The following AGBL2 variants were observed in gnomAD, a reference collection of about 807,000 sequenced individuals.
The protein encoded by AGBL2 is AGBL carboxypeptidase 2.
A neutral mutation model predicts 103.0 loss-of-function variants in AGBL2; 87 were observed. That is an observed-to-expected ratio of 0.84 (90% CI 0.71 to 1.01). The LOEUF is 1.01. Among genes scored for constraint, AGBL2 ranks in the 50% least tolerant of loss-of-function variants. The pLI is 0.00. For synonymous variants in AGBL2, 335 were observed against 356.7 expected, an observed-to-expected ratio of 0.94 and a Z score of 0.69; for missense variants, 904 against 1,023.5, an observed-to-expected ratio of 0.88 and a Z score of 1.59.
chr11:47,661,987 T>C lies in AGBL2; in HGVS notation c.2535+1039A>G, dbSNP rs192995126. Among the ~76,000 whole-genome samples, 363 of 151,628 alleles carry C rather than the reference T, an allele frequency of 2.4e-3. 2 individuals carry two copies. The highest frequency in any genetic ancestry group is 8.1e-3 in the African/African-American group (335 of 41,356). ...TGGTCTCGAACTCCTGACCTCAGGT[T>C]ATCCGCCCACCTCGGCCTCCCAAAG... On this transcript the variant is annotated intron_variant, in intron 18 of 18. Transcript: ENST00000525123.
At chr11:47,665,928 G>A (rs2097340115) in intron 17 of AGBL2, among the ~76,000 whole-genome samples, 2 of 152,146 alleles carry the variant, frequency 1.3e-5, no homozygotes, top group Non-Finnish European at 2.9e-5. Context: ...AGAATCACTT[G>A]AACCCGGGAA....
chr11:47,697,082 C>G (rs981415339), intron 8 of AGBL2, among the ~76,000 whole-genome samples: 2 of 151,608 alleles, frequency 1.3e-5, no homozygotes, highest in African/African-American at 4.9e-5. Context: ...GGGCATGCCA[C>G]CACACCCAAC....
intron 10 of AGBL2, among the ~76,000 whole-genome samples, chr11:47,688,149 G>A (rs1410311288): frequency 2.6e-5 from 4 of 151,830 alleles, no homozygotes; most frequent in African/African-American, 7.3e-5. Flanking sequence ...CTAATACACG[G>A]GGTCTCACTG....
At chr11:47,690,917 T>A in intron 9 of AGBL2, 59 bp from the exon 10 acceptor site, 1 of 1,388,012 alleles carries the variant, frequency 7.2e-7, no homozygotes, top group South Asian at 1.3e-5. Context: ...AAAAACAAAT[T>A]GGGAAAATGT....
chr11:47,682,237 G>C, intron 11 of AGBL2, 142 bp from the exon 12 acceptor site: 1 of 877,082 alleles, frequency 1.1e-6, no homozygotes, highest in African/African-American at 1.7e-5. Context: ...CTAATTTGGA[G>C]GGATGTTAAC....
At chr11:47,694,022 T>C (rs2904129) in intron 8 of AGBL2, among the ~76,000 whole-genome samples, 14,298 of 152,014 alleles carry the variant, frequency 0.094, 1,038 homozygotes, top group African/African-American at 0.2. Flanking sequence ...AAATGTCGTG[T>C]GATATACTCT....
At chr11:47,680,377 C>T (rs1360200990) in intron 12 of AGBL2, among the ~76,000 whole-genome samples, 2 of 151,972 alleles carry the variant, frequency 1.3e-5, no homozygotes, top group Non-Finnish European at 2.9e-5. Flanking sequence ...AGGAGAATGG[C>T]GTGAATCCGG....
At chr11:47,703,256 C>T (rs887516307) in intron 7 of AGBL2, among the ~76,000 whole-genome samples, 1 of 151,990 alleles carries the variant, frequency 6.6e-6, no homozygotes, top group African/African-American at 2.4e-5. Context: ...GGTAGCACCC[C>T]TGTATTTTTA....
Position 47,679,964 on chromosome 11 carries a change from C to T in AGBL2, c.2016+9G>A, listed in dbSNP as rs1565030143. On this transcript the variant is annotated intron_variant, in intron 13 of 18. Coordinates refer to ENST00000525123, the MANE Select transcript of AGBL2 (RefSeq NM_024783.4). ...GCCTTCATCACATTTCTTGAAACCC[C>T]ATTTTTACCTTCATTTGGTCAGGAT... The T allele has an allele frequency of 6.4e-7, 1 of 1,568,746 alleles. No homozygotes were observed.
chr11:47,681,818 A>G, intron 12 of AGBL2, 151 bp downstream of exon 12: 2 of 940,244 alleles, frequency 2.1e-6, no homozygotes, highest in Admixed American at 2.9e-5. Context: ...TTTCACATTC[A>G]TATGTTGGGC....
chr11:47,688,334 C>T (rs1371442602), intron 10 of AGBL2, among the ~76,000 whole-genome samples: 1 of 151,990 alleles, frequency 6.6e-6, no homozygotes, highest in Non-Finnish European at 1.5e-5. Context: ...GCAAAAAAGC[C>T]TATTGAGAAA....
In AGBL2 at chr11:47,685,912, C is replaced by G; in HGVS notation, c.1769G>C (p.Cys590Ser). ...GCTTACCTTATCTGGTGCATTTTTG[C>G]ATAACATTAAAGGAAAGACTCGTTC... ...LHERVFPLML[C>S]KNAPDKFSFH... The change falls in exon 11 of 19, where the codon TGC becomes TCC. Residue 590 changes from cysteine to serine, a missense_variant. Physicochemically the swap from Cys to Ser is moderately radical, Grantham distance 112 (BLOSUM62 -1). Transcript: ENST00000525123. The G allele has an allele frequency of 1.2e-6, 2 of 1,613,496 alleles. No individual in the cohort carries two copies. The highest frequency in any genetic ancestry group is 2.2e-5 in the East Asian group (1 of 44,858).
At chr11:47,704,877 AT>A (rs1212467799) in intron 6 of AGBL2, 149 bp from the exon 7 acceptor site, 1 of 644,778 alleles carries the variant, frequency 1.6e-6, no homozygotes, top group Non-Finnish European at 2.5e-6. Flanking sequence ...CTTCAAGAAG[AT>A]TTAGTCCAGA....
chr11:47,713,293 G>A (rs2097540788), intron 3 of AGBL2, among the ~76,000 whole-genome samples: 1 of 149,998 alleles, frequency 6.7e-6, no homozygotes, highest in Non-Finnish European at 1.5e-5. Context: ...GCAGTGAGCC[G>A]AGATTGCGCC....
intron 4 of AGBL2, among the ~76,000 whole-genome samples, chr11:47,709,133 A>G (rs553803315): frequency 1.3e-5 from 2 of 152,382 alleles, no homozygotes; most frequent in East Asian, 3.9e-4. Flanking sequence ...AAAACAAAAC[A>G]AAACAATATT....
chr11:47,696,351 C>T (rs918151338), intron 8 of AGBL2, among the ~76,000 whole-genome samples: 21 of 152,116 alleles, frequency 1.4e-4, no homozygotes, highest in Admixed American at 2.0e-4. Context: ...CAACCTCCAC[C>T]TCCCTGGTTC....
At chr11:47,667,732 T>C (rs955360361) in intron 15 of AGBL2, 36 bp from the exon 16 acceptor site, 2 of 1,600,606 alleles carry the variant, frequency 1.2e-6, no homozygotes, top group African/African-American at 1.4e-5. Flanking sequence ...TCATTGAAGA[T>C]TCCAGAACTA....
chr11:47,711,643 C>T (rs370586517), intron 3 of AGBL2, among the ~76,000 whole-genome samples: 31 of 152,310 alleles, frequency 2.0e-4, no homozygotes, highest in African/African-American at 7.2e-4. Context: ...AAGCATTTCT[C>T]CTGCCTCCGC....
chr11:47,696,909 T>C (rs542132799), intron 8 of AGBL2, among the ~76,000 whole-genome samples: 372 of 152,174 alleles, frequency 2.4e-3, no homozygotes, highest in Middle Eastern at 0.014. Flanking sequence ...TTCTATTCAA[T>C]GCTTTCCTTT....
Sources: allele counts gnomAD v4.1 joint callset (sites outside exome capture counted in the v4.1 genomes callset), GRCh38; gene constraint gnomAD v4.1.1; transcripts MANE v1.5; gene names NCBI Gene and HGNC (gene_info 2026-07-23, HGNC 2026-07-21).